Variants in LAMC2 observed in about 807,000 individuals in gnomAD.
LAMC2 encodes laminin subunit gamma-2.
In LAMC2, 97 loss-of-function variants were observed where a neutral mutation model predicts 140.2. The observed-to-expected ratio is 0.69, with a 90% CI of 0.59 to 0.82. The LOEUF (loss-of-function observed/expected upper bound fraction) is 0.82, where lower values mean the gene tolerates loss of function less well. Among genes scored for constraint, LAMC2 ranks in the 40% least tolerant of loss-of-function variants. The pLI, the probability that LAMC2 is intolerant of heterozygous loss-of-function variation, is 0.00. For synonymous variants in LAMC2, 513 were observed against 540.2 expected (o/e 0.95, Z 0.70); for missense variants, 1,402 against 1,476.1 (o/e 0.95, Z 0.82).
At chr1:183,187,414 A>G (rs1658188593) in intron 1 of LAMC2, among the ~76,000 whole-genome samples, 1 of 152,092 alleles carries the variant, frequency 6.6e-6, no homozygotes, top group Non-Finnish European at 1.5e-5. Flanking sequence ...ATGCAATGCT[A>G]CAGTCCTTTT....
chr1:183,246,386 C>T (rs1481801918), downstream of LAMC2, among the ~76,000 whole-genome samples: 1 of 152,146 alleles, frequency 6.6e-6, no homozygotes, highest in Non-Finnish European at 1.5e-5. Flanking sequence ...CTTAACCTGA[C>T]GCTGCCAAGA....
In LAMC2 at chr1:183,237,436, C is replaced by T. The variant is rs1355568424; in HGVS notation, c.2686C>T (p.Gln896Ter). The change falls in exon 18 of 23, where the codon CAG becomes TAG. Residue 896 changes from glutamine (Q) to a stop codon, truncating the protein, a stop_gained. Coordinates refer to ENST00000264144, the MANE Select transcript of LAMC2 (RefSeq NM_005562.3). LOFTEE classifies it high-confidence loss of function. Reference protein sequence around the residue: ...TRHMDEFKRTQKNLGNWKEEA... With the variant: ...TRHMDEFKRT Reference sequence around the variant, plus strand: ...GCATATGGATGAGTTCAAGCGTACACAGAAGAATCTGGGAAACTGGAAAGA... The same window carrying T: ...GCATATGGATGAGTTCAAGCGTACATAGAAGAATCTGGGAAACTGGAAAGA... The T allele has an allele frequency of 1.2e-6, 2 of 1,614,066 alleles. No homozygotes were observed. The highest frequency in any genetic ancestry group is 1.7e-6 in the Non-Finnish European group (2 of 1,179,962).
intron 19 of LAMC2, 134 bp from the exon 20 acceptor site, chr1:183,239,230 G>A (rs1279960455): frequency 1.5e-5 from 13 of 848,862 alleles, no homozygotes; most frequent in Non-Finnish European, 2.0e-5. Context: ...AATTCCAGCC[G>A]TAACTTCCCA....
chr1:183,235,067 G>T (rs966351183), intron 15 of LAMC2, among the ~76,000 whole-genome samples: 1 of 152,148 alleles, frequency 6.6e-6, no homozygotes, highest in African/African-American at 2.4e-5. Flanking sequence ...TGCCTCCTGA[G>T]CTCGTTTTTA....
intron 7 of LAMC2, among the ~76,000 whole-genome samples, chr1:183,224,157 A>G (rs1659558595): frequency 6.6e-6 from 1 of 152,130 alleles, no homozygotes; most frequent in African/African-American, 2.4e-5. Context: ...GGAGGAGGCA[A>G]TGTGTGGTCT....
chr1:183,226,995 G>A, intron 9 of LAMC2, 79 bp downstream of exon 9: 1 of 1,123,176 alleles, frequency 8.9e-7, no homozygotes, highest in Non-Finnish European at 1.3e-6. Flanking sequence ...GACCATGGCT[G>A]AACTCACATC....
At chr1:183,258,656 C>A in the LAMC2 span, among the ~76,000 whole-genome samples, 6 of 152,300 alleles carry the variant, frequency 3.9e-5, no homozygotes, top group East Asian at 1.2e-3. Context: ...AGTCATGCAG[C>A]TGAAGGCTAC....
intron 14 of LAMC2, among the ~76,000 whole-genome samples, chr1:183,234,085 C>T (rs924224175): frequency 2.0e-5 from 3 of 152,206 alleles, no homozygotes; most frequent in Non-Finnish European, 4.4e-5. Flanking sequence ...CGGGGTTTCA[C>T]CATGTTGGTC....
At position 183,237,468 on chromosome 1, in the gene LAMC2, A is replaced by G; in HGVS notation, c.2718A>G (p.Ala906=). 6.2e-7 allele frequency: 1 copy of G among 1,614,218 alleles called. No homozygotes were observed. The highest frequency in any genetic ancestry group is 8.5e-7 in the Non-Finnish European group (1 of 1,180,004). Residue 906 remains alanine (A), a synonymous_variant, in exon 18 of 23, where the codon GCA becomes GCG. Transcript: ENST00000264144. ...QKNLGNWKEE[A]QQLLQNGKSG... is the part of the protein sequence containing the mutation. ...ATCTGGGAAACTGGAAAGAAGAAGC[A>G]CAGCAGCTCTTACAGAATGGAAAAA...
chr1:183,211,671 T>C (rs1659073903), intron 2 of LAMC2, among the ~76,000 whole-genome samples: 1 of 152,092 alleles, frequency 6.6e-6, no homozygotes, highest in South Asian at 2.1e-4. Flanking sequence ...CCACCATGCC[T>C]GACTAATTTT....
At chr1:183,207,824 G>A in intron 1 of LAMC2, 57 bp from the exon 2 acceptor site, 2 of 1,341,010 alleles carry the variant, frequency 1.5e-6, no homozygotes, top group Non-Finnish European at 2.1e-6. Flanking sequence ...TGCTAGAACA[G>A]TTCCTGAGGT....
chr1:183,224,729 C>T (rs1406442086), intron 7 of LAMC2, among the ~76,000 whole-genome samples: 3 of 152,066 alleles, frequency 2.0e-5, no homozygotes, highest in Non-Finnish European at 4.4e-5. Flanking sequence ...CTGGAATACT[C>T]GTTCCCACCT....
chr1:183,242,525 T>C (rs1235068988), intron 22 of LAMC2, among the ~76,000 whole-genome samples: 1 of 152,204 alleles, frequency 6.6e-6, no homozygotes, highest in African/African-American at 2.4e-5. Flanking sequence ...GGGTAACACA[T>C]GCTTGAACAA....
the LAMC2 span, among the ~76,000 whole-genome samples, chr1:183,257,420 G>A: frequency 5.3e-5 from 8 of 152,256 alleles, no homozygotes; most frequent in Middle Eastern, 6.8e-3. Flanking sequence ...CAGCCTGGGC[G>A]ACAGAGTGAG....
intron 14 of LAMC2, among the ~76,000 whole-genome samples, chr1:183,233,464 G>C (rs746165763): frequency 6.6e-6 from 1 of 152,304 alleles, no homozygotes; most frequent in East Asian, 1.9e-4. Flanking sequence ...TTCTATTTCT[G>C]AATAAAGAAG....
chr1:183,189,478 G>A (rs1188031462), intron 1 of LAMC2, among the ~76,000 whole-genome samples: 4 of 152,206 alleles, frequency 2.6e-5, no homozygotes, highest in African/African-American at 7.2e-5. Context: ...GCTACAGTGA[G>A]CTGAGATTGC....
At chr1:183,230,004 T>C (rs573215256) in intron 11 of LAMC2, among the ~76,000 whole-genome samples, 1 of 152,338 alleles carries the variant, frequency 6.6e-6, no homozygotes, top group South Asian at 2.1e-4. Flanking sequence ...TCAGTTTCCT[T>C]ATATGTGTGA....
chr1:183,226,928 G>T lies in LAMC2; in HGVS notation c.1285+12G>T. On this transcript the variant is annotated intron_variant, in intron 9 of 22. Coordinates refer to ENST00000264144, the MANE Select transcript of LAMC2 (RefSeq NM_005562.3). ...TGATCCAGACACAGGTGAGTGAAAT[G>T]ACACCTGGACCAGGTGGCTGGGGTG... 1 of 1,603,282 alleles carries T rather than the reference G, an allele frequency of 6.2e-7. No homozygotes were observed. The highest frequency in any genetic ancestry group is 1.1e-5 in the South Asian group (1 of 90,680).
chr1:183,222,223 A>G lies in LAMC2; in HGVS notation c.763+12A>G. ...TTTTGTGGCTCCTGGTATGTGAGGAATAATGTCTCCTATAGAGGCCAGCTT... is the reference window on the plus strand; with the variant it reads ...TTTTGTGGCTCCTGGTATGTGAGGAGTAATGTCTCCTATAGAGGCCAGCTT... On this transcript the variant is annotated intron_variant, in intron 6 of 22. Transcript: ENST00000264144. 6.2e-7 allele frequency: 1 copy of G among 1,613,808 alleles called. No individual in the cohort carries two copies. Among genetic ancestry groups the G allele is most frequent in the Non-Finnish European group, 8.5e-7 (1 of 1,179,686 alleles).
Sources: gnomAD v4.1 joint callset for allele counts (sites outside exome capture counted in the v4.1 genomes callset) on GRCh38, gnomAD v4.1.1 for gene constraint, MANE v1.5 for transcripts, NCBI Gene and HGNC (gene_info 2026-07-23, HGNC 2026-07-21) for gene names.